SLC39A8: variants seen among roughly 807,000 people sequenced by gnomAD.
The protein encoded by SLC39A8 is metal cation symporter ZIP8.
In SLC39A8, 15 loss-of-function variants were observed where a neutral mutation model predicts 40.4. The ratio of observed to expected loss-of-function variants is 0.37; its 90% CI spans 0.25 to 0.57. The LOEUF (loss-of-function observed/expected upper bound fraction) is 0.57, where lower values mean the gene tolerates loss of function less well. Ranked by LOEUF, SLC39A8 falls within the 20% of genes least tolerant of loss-of-function variation. The pLI, the probability that SLC39A8 is intolerant of heterozygous loss-of-function variation, is 0.75. For synonymous variants in SLC39A8, 223 were observed against 221.6 expected (o/e 1.01, Z -0.06); for missense variants, 472 against 558.8 (o/e 0.84, Z 1.57).
chr4:102,344,334 A>T, intron 2 of SLC39A8, 110 bp downstream of exon 2: 2 of 734,002 alleles, frequency 2.7e-6, no homozygotes. Flanking sequence ...CTTGAGAAAT[A>T]TAACAAGATT....
At chr4:102,274,849 A>G (rs1732543597) in intron 6 of SLC39A8, among the ~76,000 whole-genome samples, 1 of 152,194 alleles carries the variant, frequency 6.6e-6, no homozygotes, top group Admixed American at 6.5e-5. Flanking sequence ...ATTCAGCCAA[A>G]CTAAGCTTGA....
intron 6 of SLC39A8, among the ~76,000 whole-genome samples, chr4:102,289,031 C>T (rs937791924): frequency 1.3e-5 from 2 of 152,132 alleles, no homozygotes; most frequent in African/African-American, 2.4e-5. Context: ...GCTTTCATAG[C>T]TAAAGAGAAG....
chr4:102,279,817 T>C (rs1288259593), intron 6 of SLC39A8, among the ~76,000 whole-genome samples: 1 of 152,188 alleles, frequency 6.6e-6, no homozygotes, highest in Non-Finnish European at 1.5e-5. Flanking sequence ...TGGTAGTTGA[T>C]GGGATTTTGT....
intron 6 of SLC39A8, among the ~76,000 whole-genome samples, chr4:102,273,119 G>A (rs1250233889): frequency 1.3e-5 from 2 of 152,150 alleles, no homozygotes; most frequent in African/African-American, 4.8e-5. Context: ...CTGGAAAGGG[G>A]GCTGAAGCCA....
At chr4:102,323,131 C>T (rs1462528590) in intron 2 of SLC39A8, among the ~76,000 whole-genome samples, 2 of 152,188 alleles carry the variant, frequency 1.3e-5, no homozygotes, top group Non-Finnish European at 2.9e-5. Context: ...AGAGATGCAA[C>T]AAGTAAGAGG....
At chr4:102,307,872 G>C (rs1199166391) in intron 3 of SLC39A8, among the ~76,000 whole-genome samples, 1 of 152,032 alleles carries the variant, frequency 6.6e-6, no homozygotes, top group East Asian at 1.9e-4. Flanking sequence ...AGGGAAATTG[G>C]AGAACATCTA....
In SLC39A8 at chr4:102,304,990, T is replaced by C. The variant is rs774975363; in HGVS notation, c.674A>G (p.Gln225Arg). Residue 225 changes from glutamine to arginine, a missense_variant and splice_region_variant, in exon 5 of 9, where the codon CAG (glutamine) becomes CGG (arginine). Physicochemically the swap from Gln to Arg is conservative, Grantham distance 43 (BLOSUM62 1). Around this residue, in one of 4 missense-constraint regions of SLC39A8, gnomAD observed 239 missense variants for 317.9 expected, o/e 0.75. Coordinates refer to ENST00000356736, the MANE Select transcript of SLC39A8 (RefSeq NM_001135146.2). ...ATGTTTTAAATAAAGTCCATTTACC[T>C]GACCATATGTCTTTAATAACATCTT... ...MLKMLLKTYG[Q>R]NGHTHFGNDN... 6.3e-7 allele frequency: 1 copy of C among 1,599,466 alleles called. No homozygotes were observed. The highest frequency in any genetic ancestry group is 8.5e-7 in the Non-Finnish European group (1 of 1,170,886).
intron 8 of SLC39A8, among the ~76,000 whole-genome samples, chr4:102,266,287 C>A (rs930633113): frequency 1.3e-5 from 2 of 152,040 alleles, no homozygotes; most frequent in African/African-American, 4.8e-5. Context: ...ATTCTTATAT[C>A]AGAAAGTAAA....
intron 6 of SLC39A8, among the ~76,000 whole-genome samples, chr4:102,272,424 G>GA (rs1401811988): frequency 6.8e-6 from 1 of 147,614 alleles, no homozygotes; most frequent in Non-Finnish European, 1.5e-5. Flanking sequence ...GACAGAGTGA[G>GA]ACTCCATCTC....
chr4:102,337,720 A>G (rs112912406), intron 2 of SLC39A8, among the ~76,000 whole-genome samples: 110 of 152,334 alleles, frequency 7.2e-4, no homozygotes, highest in African/African-American at 2.5e-3. Context: ...CAGAAGAGAC[A>G]GTGGATTCAT....
chr4:102,339,262 A>G (rs1169798931), intron 2 of SLC39A8, among the ~76,000 whole-genome samples: 3 of 151,966 alleles, frequency 2.0e-5, no homozygotes, highest in African/African-American at 7.3e-5. Flanking sequence ...TCTCACCTGA[A>G]CAAGCAGGTT....
At position 102,315,804 on chromosome 4, in the gene SLC39A8, G is replaced by C. The variant is rs760756598; in HGVS notation, c.246C>G (p.Ser82=). ...GGGTAGCATTTGAAAAGCCATGAAGGGAAAAGATCTCTTCAGCAGTTAAAC... is the reference window on the plus strand; with the variant it reads ...GGGTAGCATTTGAAAAGCCATGAAGCGAAAAGATCTCTTCAGCAGTTAAAC... ...NQCLTAEEIF[S]LHGFSNATQI... Residue 82 remains serine, a synonymous_variant, in exon 3 of 9, where the codon TCC becomes TCG. Transcript: ENST00000356736. The C allele has an allele frequency of 6.2e-7, 1 of 1,611,358 alleles. No homozygotes were observed. The highest frequency in any genetic ancestry group is 1.3e-5 in the African/African-American group (1 of 74,692).
chr4:102,307,612 G>A lies in SLC39A8; in HGVS notation c.383-7C>T, dbSNP rs750459288. 2.5e-6 allele frequency: 4 copies of A among 1,610,942 alleles called. No homozygotes were observed. In the Admixed American group the frequency reaches 5.0e-5, roughly 20 times the overall value. ...AGGAATCCATATCCCCAAACTGTGG[G>A]TCAGAGGGAAAAGAGAGTAGAAATT... On this transcript the variant is annotated splice_region_variant and splice_polypyrimidine_tract_variant and intron_variant, in intron 3 of 8. Coordinates refer to ENST00000356736, the MANE Select transcript of SLC39A8 (RefSeq NM_001135146.2).
chr4:102,326,325 G>A (rs551214939), intron 2 of SLC39A8, among the ~76,000 whole-genome samples: 293 of 152,316 alleles, frequency 1.9e-3, no homozygotes, highest in Middle Eastern at 0.01. Context: ...ACTTTGGGAG[G>A]CCGAGGCGGG....
intron 6 of SLC39A8, among the ~76,000 whole-genome samples, chr4:102,273,524 G>A (rs889454375): frequency 3.9e-5 from 6 of 152,168 alleles, no homozygotes; most frequent in Non-Finnish European, 5.9e-5. Flanking sequence ...CGCAGCTTCC[G>A]CCGACTTAAA....
At chr4:102,274,567 A>T (rs1295748386) in intron 6 of SLC39A8, among the ~76,000 whole-genome samples, 1 of 152,220 alleles carries the variant, frequency 6.6e-6, no homozygotes, top group Non-Finnish European at 1.5e-5. Flanking sequence ...ACCTAGCAAG[A>T]TAGGCCAAAA....
rs1732160481 is a variant in SLC39A8 at position 102,267,645 on chromosome 4, T to A, written c.1078A>T (p.Met360Leu). The A allele has an allele frequency of 6.2e-7, 1 of 1,605,874 alleles. No homozygotes were observed. Residue 360 changes from methionine (M) to leucine (L), a missense_variant, in exon 8 of 9, where the codon ATG (methionine) becomes TTG (leucine). Around this residue, in one of 4 missense-constraint regions of SLC39A8, gnomAD observed 239 missense variants for 317.9 expected, o/e 0.75. Coordinates refer to ENST00000356736, the MANE Select transcript of SLC39A8 (RefSeq NM_001135146.2). ...AATAGCAAGGCTTGTCGAGTGCTCA[T>A]CCCTGCATTGAGTAGGATCACAAAG... Reference protein sequence around the residue: ...GDFVILLNAGMSTRQALLFNF... With the variant: ...GDFVILLNAGLSTRQALLFNF...
downstream of SLC39A8, among the ~76,000 whole-genome samples, chr4:102,260,888 A>C (rs1731829913): frequency 6.6e-6 from 1 of 152,232 alleles, no homozygotes; most frequent in Non-Finnish European, 1.5e-5. Context: ...ACAGGTATTT[A>C]GAGTCTTCAG....
intron 4 of SLC39A8, 93 bp downstream of exon 4, chr4:102,307,343 C>T (rs1014234792): frequency 9.1e-6 from 13 of 1,422,760 alleles, no homozygotes; most frequent in Admixed American, 8.3e-5. Flanking sequence ...GACCATAAAA[C>T]GCTGTAAGAA....
Sources: gnomAD v4.1 joint callset for allele counts (sites outside exome capture counted in the v4.1 genomes callset) on GRCh38, gnomAD v4.1.1 for gene constraint, gnomAD v4.1.1 regional missense constraint, MANE v1.5 for transcripts, NCBI Gene and HGNC (gene_info 2026-07-23, HGNC 2026-07-21) for gene names.